TAFA2: variants seen among roughly 807,000 people sequenced by gnomAD.
The protein encoded by TAFA2 is chemokine-like protein TAFA-2.
TAFA2 carries 7 observed loss-of-function variants against 18.8 expected under a neutral mutation model. The ratio of observed to expected loss-of-function variants is 0.37; its 90% confidence interval spans 0.21 to 0.70. TAFA2 has a LOEUF of 0.70. TAFA2 is among the 30% of genes least tolerant of loss of function. The probability of loss-of-function intolerance (pLI) is 0.53; values close to 1 mark genes in which losing one functional copy is unlikely to be tolerated. For missense variants in TAFA2, 122 were observed against 158.1 expected (o/e 0.77, Z 1.23); for synonymous variants, 60 against 54.2 (o/e 1.11, Z -0.47).
At chr12:61,938,084 A>G (rs963770049) in intron 1 of TAFA2, among the ~76,000 whole-genome samples, 1 of 152,160 alleles carries the variant, frequency 6.6e-6, no homozygotes, top group East Asian at 1.9e-4. Context: ...GGGAAATACA[A>G]ATTAAAACCA....
At chr12:62,132,056 C>G (rs538803631) in intron 1 of TAFA2, among the ~76,000 whole-genome samples, 12 of 141,096 alleles carry the variant, frequency 8.5e-5, no homozygotes, top group African/African-American at 2.4e-4. Flanking sequence ...GATGCCTACA[C>G]AAAACTGAAT....
At chr12:62,246,583 AAC>A (rs1373556260) in intron 1 of TAFA2, among the ~76,000 whole-genome samples, 3 of 152,328 alleles carry the variant, frequency 2.0e-5, no homozygotes, top group East Asian at 3.9e-4. Flanking sequence ...GAGTTTTTAA[AAC>A]AGTTTGTCAC....
intron 1 of TAFA2, among the ~76,000 whole-genome samples, chr12:62,213,195 G>T (rs2136974264): frequency 6.6e-6 from 1 of 152,302 alleles, no homozygotes; most frequent in South Asian, 2.1e-4. Flanking sequence ...TAGAGAAGTA[G>T]TAAGAAGGAT....
chr12:61,781,968 G>A (rs1241334095), intron 2 of TAFA2, among the ~76,000 whole-genome samples: 1 of 151,540 alleles, frequency 6.6e-6, no homozygotes, highest in Non-Finnish European at 1.5e-5. Flanking sequence ...TCTTTTACAT[G>A]TTTCAATTTT....
chr12:62,150,436 C>G (rs1385035866), intron 1 of TAFA2, among the ~76,000 whole-genome samples: 3 of 152,142 alleles, frequency 2.0e-5, no homozygotes, highest in African/African-American at 4.8e-5. Context: ...CTATATTCTT[C>G]TCTCTTAGCC....
intron 2 of TAFA2, among the ~76,000 whole-genome samples, chr12:61,781,522 T>C (rs780246557): frequency 1.1e-4 from 17 of 151,818 alleles, no homozygotes; most frequent in African/African-American, 1.7e-4. Context: ...TGCTTTTCCA[T>C]TTTCCTTTTT....
rs78109694 is a variant in TAFA2 at position 61,912,215 on chromosome 12, C to T, written c.-1-44789G>A. Among the ~76,000 whole-genome samples, 516 of 152,296 alleles carry T rather than the reference C, an allele frequency of 3.4e-3. 2 individuals carry two copies. Among genetic ancestry groups the T allele is most frequent in the Non-Finnish European group, 5.0e-3 (342 of 68,032 alleles). On this transcript the variant is annotated intron_variant, in intron 1 of 4. Coordinates refer to ENST00000416284, the MANE Select transcript of TAFA2 (RefSeq NM_178539.5). ...AGAACCAGGGTGGGGATTCAAAGTG[C>T]TCATTTATCTATAACATGCTATTTA...
intron 2 of TAFA2, among the ~76,000 whole-genome samples, chr12:61,845,354 GA>G (rs993600118): frequency 1.3e-5 from 2 of 150,560 alleles, no homozygotes; most frequent in Non-Finnish European, 3.0e-5. Flanking sequence ...CAGTCTCTAA[GA>G]AAAAAAAAGG....
At chr12:62,226,696 T>C (rs777503122) in intron 1 of TAFA2, among the ~76,000 whole-genome samples, 2 of 152,182 alleles carry the variant, frequency 1.3e-5, no homozygotes, top group Non-Finnish European at 2.9e-5. Context: ...TCCTCTCATA[T>C]TTCCAAAATC....
chr12:62,221,993 G>C (rs568650880), intron 1 of TAFA2, among the ~76,000 whole-genome samples: 1 of 152,300 alleles, frequency 6.6e-6, no homozygotes, highest in South Asian at 2.1e-4. Context: ...TGCCACAGTA[G>C]AGATTTCTAA....
intron 1 of TAFA2, among the ~76,000 whole-genome samples, chr12:62,147,346 A>ATATGTGTG (rs2062292108): frequency 1.1e-5 from 1 of 92,982 alleles, no homozygotes; most frequent in Non-Finnish European, 2.5e-5. Context: ...ATATATATAT[A>ATATGTGTG]TATATATATA....
At chr12:62,126,710 T>C (rs1870475949) in intron 1 of TAFA2, among the ~76,000 whole-genome samples, 1 of 151,820 alleles carries the variant, frequency 6.6e-6, no homozygotes, top group Admixed American at 6.6e-5. Context: ...GCTGACAAAT[T>C]AGAGATGAGA....
intron 1 of TAFA2, among the ~76,000 whole-genome samples, chr12:61,892,340 T>C (rs1875672893): frequency 6.6e-6 from 1 of 152,124 alleles, no homozygotes; most frequent in African/African-American, 2.4e-5. Context: ...ACGTAGGAAG[T>C]TGGGAACACA....
chr12:62,249,618 T>C (rs1002149017), intron 1 of TAFA2, among the ~76,000 whole-genome samples: 6 of 152,140 alleles, frequency 3.9e-5, no homozygotes. Flanking sequence ...AAATTTCTGG[T>C]GTAGTCAGCA....
At position 61,753,744 on chromosome 12, in the gene TAFA2, A is replaced by G. The variant is rs1327006261; in HGVS notation, c.262T>C (p.Ser88Pro). ...TRAAPSCVDA[S>P]IVEQKWWCHM... ...CACCACCATTTCTGTTCCACTATTGAAGCTATAAGAGAGAAAAAAAATTGA... is the reference window on the plus strand; with the variant it reads ...CACCACCATTTCTGTTCCACTATTGGAGCTATAAGAGAGAAAAAAAATTGA... The change falls in exon 4 of 5, where the codon TCA (serine) becomes CCA (proline). Residue 88 changes from serine (S) to proline (P), a missense_variant and splice_region_variant. Coordinates refer to ENST00000416284, the MANE Select transcript of TAFA2 (RefSeq NM_178539.5). 1 of 1,608,908 alleles carries G rather than the reference A, an allele frequency of 6.2e-7. No individual in the cohort carries two copies. Among genetic ancestry groups the G allele is most frequent in the Non-Finnish European group, 8.5e-7 (1 of 1,177,670 alleles).
chr12:62,259,255 TTAAG>T (rs1310032806), upstream of TAFA2, among the ~76,000 whole-genome samples: 3 of 152,224 alleles, frequency 2.0e-5, no homozygotes, highest in African/African-American at 7.2e-5. Context: ...TCGGGAATAC[TTAAG>T]TAATTTTGCC....
At chr12:61,912,677 C>T (rs538849797) in intron 1 of TAFA2, among the ~76,000 whole-genome samples, 6 of 152,298 alleles carry the variant, frequency 3.9e-5, no homozygotes, top group South Asian at 2.1e-4. Context: ...CTGCCACCAT[C>T]GTGTCAGCAT....
intron 1 of TAFA2, among the ~76,000 whole-genome samples, chr12:62,256,676 T>C (rs1360232181): frequency 1.3e-5 from 2 of 152,244 alleles, no homozygotes; most frequent in African/African-American, 2.4e-5. Context: ...CATCTTACTA[T>C]ATTTTCATTC....
intron 2 of TAFA2, among the ~76,000 whole-genome samples, chr12:61,816,636 C>T (rs1245533301): frequency 6.6e-6 from 1 of 151,334 alleles, no homozygotes; most frequent in African/African-American, 2.5e-5. Flanking sequence ...TACACTCCCA[C>T]CAACAGTATT....
Sources: allele counts gnomAD v4.1 joint callset (sites outside exome capture counted in the v4.1 genomes callset), GRCh38; gene constraint gnomAD v4.1.1; transcripts MANE v1.5; gene names NCBI Gene and HGNC (gene_info 2026-07-23, HGNC 2026-07-21).